FRMPD4: variants seen among roughly 807,000 people sequenced by gnomAD.
The protein encoded by FRMPD4 is FERM and PDZ domain containing 4, also known as FERM and PDZ domain-containing protein 4.
Under a neutral mutation model 94.1 loss-of-function variants are expected in FRMPD4, and 22 were observed. The ratio of observed to expected loss-of-function variants is 0.23; its 90% CI spans 0.17 to 0.33. FRMPD4 has a LOEUF of 0.33. Among genes scored for constraint, FRMPD4 ranks in the 10% least tolerant of loss-of-function variants. The probability of loss-of-function intolerance (pLI) is 1.00; values close to 1 mark genes in which losing one functional copy is unlikely to be tolerated. For synonymous variants in FRMPD4, 631 were observed against 548.6 expected (o/e 1.15, Z -2.10); for missense variants, 1,111 against 1,339.9 (o/e 0.83, Z 2.67).
intron 1 of FRMPD4, among the ~76,000 whole-genome samples, chrX:12,280,612 T>C (rs1375769671): frequency 8.9e-6 from 1 of 111,795 alleles, no homozygotes; most frequent in African/African-American, 3.3e-5. Context: ...CCACAGCCCA[T>C]GAAGTCCCCA....
chrX:11,884,306 A>G (rs2053832189), intron 3 of FRMPD4, among the ~76,000 whole-genome samples: 1 of 112,040 alleles, frequency 8.9e-6, no homozygotes, highest in Admixed American at 9.5e-5. Flanking sequence ...ACACTTAAAA[A>G]TATTTCCTTT....
chrX:12,393,948 C>T (rs1368496582), intron 1 of FRMPD4, among the ~76,000 whole-genome samples: 1 of 111,074 alleles, frequency 9.0e-6, no homozygotes, highest in Non-Finnish European at 1.9e-5. Flanking sequence ...TTACAAATCA[C>T]CATATATGTG....
intron 2 of FRMPD4, among the ~76,000 whole-genome samples, chrX:12,563,039 G>A (rs1017048025): frequency 9.0e-6 from 1 of 111,605 alleles, no homozygotes; most frequent in Admixed American, 9.5e-5. Context: ...TTTAACAACA[G>A]TTACAATATG....
intron 3 of FRMPD4, among the ~76,000 whole-genome samples, chrX:12,112,493 C>G (rs1286842797): frequency 9.0e-6 from 1 of 110,615 alleles, no homozygotes; most frequent in East Asian, 2.8e-4. Context: ...GTGCAGCACA[C>G]CAACATGGCG....
intron 2 of FRMPD4, among the ~76,000 whole-genome samples, chrX:12,582,271 G>A (rs1194340617): frequency 3.6e-5 from 4 of 111,931 alleles, no homozygotes; most frequent in Admixed American, 9.5e-5. Flanking sequence ...TCCTTTCTGA[G>A]ACAGAAAATG....
intron 1 of FRMPD4, among the ~76,000 whole-genome samples, chrX:12,161,000 T>C (rs922442022): frequency 2.7e-5 from 3 of 111,386 alleles, no homozygotes; most frequent in African/African-American, 9.8e-5. Flanking sequence ...ATGCTATTTA[T>C]ATTAGTTATT....
chrX:12,231,992 G>A (rs1042771901), intron 1 of FRMPD4, among the ~76,000 whole-genome samples: 1 of 111,527 alleles, frequency 9.0e-6, no homozygotes, highest in African/African-American at 3.3e-5. Flanking sequence ...TCAGGGCACT[G>A]TTAAGAGTGA....
At chrX:12,018,259 C>G (rs1284413178) in intron 3 of FRMPD4, among the ~76,000 whole-genome samples, 1 of 111,117 alleles carries the variant, frequency 9.0e-6, no homozygotes, top group Non-Finnish European at 1.9e-5. Context: ...TCATGCCTTT[C>G]TCTCAGCTTC....
intron 3 of FRMPD4, among the ~76,000 whole-genome samples, chrX:12,068,209 A>T (rs2054937450): frequency 9.0e-6 from 1 of 111,410 alleles, no homozygotes; most frequent in African/African-American, 3.3e-5. Context: ...TCTCCTACAG[A>T]CTCTAGACGA....
intron 3 of FRMPD4, among the ~76,000 whole-genome samples, chrX:12,610,117 T>C (rs769425258): frequency 8.9e-6 from 1 of 112,083 alleles, no homozygotes; most frequent in East Asian, 2.8e-4. Flanking sequence ...TCTATAACCA[T>C]GGAAATGAAT....
At chrX:12,203,272 T>C (rs1197764549) in intron 1 of FRMPD4, among the ~76,000 whole-genome samples, 1 of 111,695 alleles carries the variant, frequency 9.0e-6, no homozygotes, top group Non-Finnish European at 1.9e-5. Flanking sequence ...GTTCGAGAAA[T>C]TTGGGAGTCA....
chrX:12,450,304 C>A (rs1055836130), intron 1 of FRMPD4, among the ~76,000 whole-genome samples: 1 of 110,642 alleles, frequency 9.0e-6, no homozygotes, highest in Non-Finnish European at 1.9e-5. Context: ...GTTTATCTGT[C>A]CTATTAAAAA....
chrX:12,307,990 G>T (rs2054971192), intron 1 of FRMPD4, among the ~76,000 whole-genome samples: 1 of 111,748 alleles, frequency 8.9e-6, no homozygotes, highest in African/African-American at 3.3e-5. Context: ...TAACTAAAGG[G>T]CTGGGATGAT....
At chrX:12,530,964 G>C (rs2058279658) in intron 2 of FRMPD4, among the ~76,000 whole-genome samples, 1 of 111,267 alleles carries the variant, frequency 9.0e-6, no homozygotes, top group African/African-American at 3.3e-5. Flanking sequence ...CCAAGGAAAT[G>C]CAAGAGGGAA....
At position 12,724,118 on chromosome X, in the gene FRMPD4, G is replaced by A. The variant is rs1471628074; in HGVS notation, c.*2260G>A. On this transcript the variant is annotated 3_prime_UTR_variant, in exon 17 of 17. Coordinates refer to ENST00000675598, the MANE Select transcript of FRMPD4 (RefSeq NM_001368397.1). Reference sequence around the variant, plus strand: ...CCTGACTGTGTGCAGAACACATTATGTGTATTGCATATATGTAAAAGAAGT... The same window carrying A: ...CCTGACTGTGTGCAGAACACATTATATGTATTGCATATATGTAAAAGAAGT... 8.9e-6 allele frequency: 1 copy of A among 111,809 alleles called. No homozygotes were observed. Among genetic ancestry groups the A allele is most frequent in the Non-Finnish European group, 1.9e-5 (1 of 53,182 alleles). 9.2% of individuals were successfully genotyped at this position (111,809 alleles called of 1,213,427 possible).
intron 1 of FRMPD4, among the ~76,000 whole-genome samples, chrX:12,474,618 A>G (rs1265121203): frequency 8.9e-6 from 1 of 111,973 alleles, no homozygotes; most frequent in Non-Finnish European, 1.9e-5. Context: ...ATAAATAATG[A>G]TAAAGGGGAT....
intron 1 of FRMPD4, among the ~76,000 whole-genome samples, chrX:12,153,906 A>T (rs2055897355): frequency 8.9e-6 from 1 of 112,802 alleles, no homozygotes; most frequent in Admixed American, 9.4e-5. Context: ...ATGAAATTCA[A>T]ATGTCACTGT....
At chrX:12,583,869 G>A (rs2058894905) in intron 2 of FRMPD4, among the ~76,000 whole-genome samples, 1 of 111,823 alleles carries the variant, frequency 8.9e-6, no homozygotes, top group Non-Finnish European at 1.9e-5. Flanking sequence ...GGTGGGGCCT[G>A]AACCTCAGAA....
chrX:12,056,920 C>A (rs1156569505), intron 3 of FRMPD4, among the ~76,000 whole-genome samples: 1 of 111,756 alleles, frequency 8.9e-6, no homozygotes, highest in Non-Finnish European at 1.9e-5. Flanking sequence ...AAATGACTTA[C>A]AAAATATAGT....
Sources: gnomAD v4.1 joint callset for allele counts (sites outside exome capture counted in the v4.1 genomes callset) on GRCh38, gnomAD v4.1.1 for gene constraint, MANE v1.5 for transcripts, NCBI Gene and HGNC (gene_info 2026-07-23, HGNC 2026-07-21) for gene names.